The following PHF3 variants were observed in gnomAD, a reference collection of about 807,000 sequenced individuals.
The protein encoded by PHF3 is PHD finger protein 3.
PHF3 carries 41 observed loss-of-function variants against 178.4 expected under a neutral mutation model. The ratio of observed to expected loss-of-function variants is 0.23; its 90% CI spans 0.18 to 0.30. The LOEUF (loss-of-function observed/expected upper bound fraction) is 0.30. PHF3 is among the 10% of genes least tolerant of loss of function. The pLI is 1.00. For missense variants in PHF3, 2,346 were observed against 2,398.1 expected (o/e 0.98, Z 0.45); for synonymous variants, 842 against 800.5 (o/e 1.05, Z -0.88).
At chr6:63,710,554 GTC>G (rs1190336207) in intron 14 of PHF3, among the ~76,000 whole-genome samples, 1 of 152,104 alleles carries the variant, frequency 6.6e-6, no homozygotes, top group Non-Finnish European at 1.5e-5. Flanking sequence ...AATTAGGACT[GTC>G]TTTTCTATCT....
chr6:63,682,929 A>G (rs1766502356), intron 3 of PHF3, among the ~76,000 whole-genome samples: 1 of 152,100 alleles, frequency 6.6e-6, no homozygotes, highest in African/African-American at 2.4e-5. Flanking sequence ...AGAGCTGTAA[A>G]TTACTATAAT....
chr6:63,658,249 T>C (rs1765319732), intron 2 of PHF3, among the ~76,000 whole-genome samples: 3 of 152,246 alleles, frequency 2.0e-5, no homozygotes, highest in Non-Finnish European at 2.9e-5. Context: ...CTTTGGACTC[T>C]AGGCTATGAC....
chr6:63,648,641 C>T (rs1296403643), intron 2 of PHF3, among the ~76,000 whole-genome samples: 3 of 152,042 alleles, frequency 2.0e-5, no homozygotes, highest in African/African-American at 7.2e-5. Flanking sequence ...ACTTAGAGCA[C>T]CTTTATGAAG....
intron 3 of PHF3, among the ~76,000 whole-genome samples, chr6:63,681,996 A>G (rs1028649933): frequency 6.6e-6 from 1 of 152,120 alleles, no homozygotes; most frequent in African/African-American, 2.4e-5. Context: ...CATATTATGG[A>G]AGCCTGTAAG....
Position 63,723,727 on chromosome 6 carries a change from CTT to C in PHF3, c.*10022_*10023del, listed in dbSNP as rs1326486010. On this transcript the variant is annotated 3_prime_UTR_variant, in exon 16 of 16. Transcript: ENST00000262043. ...CTGTATTAGCTTAAAAAATCATAGA[CTT>C]TTAAATTTCATTGCGTTAGGATATG... is the stretch of plus-strand genomic sequence containing the variant. 1.3e-5 allele frequency among the ~76,000 whole-genome samples: 2 copies of C among 151,694 alleles called. No individual in the cohort carries two copies. The highest frequency in any genetic ancestry group is 2.1e-4 in the South Asian group (1 of 4,806).
intron 3 of PHF3, among the ~76,000 whole-genome samples, chr6:63,681,160 A>T (rs767121168): frequency 1.3e-5 from 2 of 151,872 alleles, no homozygotes; most frequent in Non-Finnish European, 2.9e-5. Flanking sequence ...TTCTAACTTC[A>T]GGGTTGTTGA....
At chr6:63,660,384 A>G (rs1025188571) in intron 2 of PHF3, among the ~76,000 whole-genome samples, 9 of 151,976 alleles carry the variant, frequency 5.9e-5, no homozygotes, top group Non-Finnish European at 1.0e-4. Context: ...CTCATTTTAC[A>G]GTTGAAGAAA....
intron 2 of PHF3, among the ~76,000 whole-genome samples, chr6:63,677,659 C>A (rs1300031058): frequency 6.6e-6 from 1 of 151,900 alleles, no homozygotes; most frequent in Non-Finnish European, 1.5e-5. Flanking sequence ...TTCTTTTTTT[C>A]TCCTGTTTAC....
chr6:63,686,087 A>G, intron 4 of PHF3, 176 bp downstream of exon 4: 1 of 570,562 alleles, frequency 1.8e-6, no homozygotes, highest in African/African-American at 1.9e-5. Flanking sequence ...TACTGAATTT[A>G]CAAATATATC....
chr6:63,708,923 C>T (rs1002531259), intron 13 of PHF3, among the ~76,000 whole-genome samples: 4 of 152,180 alleles, frequency 2.6e-5, no homozygotes, highest in Non-Finnish European at 4.4e-5. Context: ...AACTCAGACT[C>T]TTTCTTAGTA....
intron 2 of PHF3, among the ~76,000 whole-genome samples, chr6:63,676,080 G>C (rs1353756103): frequency 6.6e-6 from 1 of 152,142 alleles, no homozygotes; most frequent in African/African-American, 2.4e-5. Context: ...AAAAAGTGAA[G>C]TCAGTATGTT....
At chr6:63,646,887 T>A in intron 2 of PHF3, 92 bp downstream of exon 2, 1 of 907,446 alleles carries the variant, frequency 1.1e-6, no homozygotes, top group Non-Finnish European at 1.5e-6. Flanking sequence ...TTTTTTTCTT[T>A]TTTTTTTTTT....
In PHF3 at chr6:63,706,251, A is replaced by C. The variant is rs774325407; in HGVS notation, c.3563+27A>C. On this transcript the variant is annotated intron_variant, in intron 12 of 15. Coordinates refer to ENST00000262043, the MANE Select transcript of PHF3 (RefSeq NM_001370348.2). ...TAATTTTCTCTGTTGTAAATTCTGT[A>C]ATACTCATTATAGATCTTTGCCAGA... is the stretch of plus-strand genomic sequence containing the variant. The C allele has an allele frequency of 2.6e-6, 4 of 1,545,762 alleles. No homozygotes were observed. In the South Asian group the frequency reaches 4.6e-5, roughly 18 times the overall value.
In PHF3 at chr6:63,724,990, A is replaced by G. The variant is rs1768555467; in HGVS notation, c.*11282A>G. Among the ~76,000 whole-genome samples, 1 of 152,140 alleles carries G rather than the reference A, an allele frequency of 6.6e-6. No individual in the cohort carries two copies. Among genetic ancestry groups the G allele is most frequent in the African/African-American group, 2.4e-5 (1 of 41,458 alleles). On this transcript the variant is annotated 3_prime_UTR_variant, in exon 16 of 16. Transcript: ENST00000262043. The stretch of plus-strand genomic sequence containing the variant: ...TCAGCTGCATTTTCTGCAACCTTAA[A>G]TAAATGAGAGACTTCAAATAAACTT...
intron 8 of PHF3, among the ~76,000 whole-genome samples, chr6:63,699,816 C>T (rs1767395138): frequency 6.6e-6 from 1 of 152,126 alleles, no homozygotes; most frequent in Admixed American, 6.5e-5. Flanking sequence ...GTCCCAAACT[C>T]CTGACCTTGT....
In PHF3 at chr6:63,685,441, T is replaced by C. The variant is rs1261311720; in HGVS notation, c.1719T>C (p.His573=). 1 of 1,614,104 alleles carries C rather than the reference T, an allele frequency of 6.2e-7. No homozygotes were observed. The highest frequency in any genetic ancestry group is 2.2e-5 in the East Asian group (1 of 44,878). Reference sequence around the variant, plus strand: ...TTAAATCTGTGAAAAACCAAGCTCATTCTGTACTGAAAAAAACATTACAGG... The same window carrying C: ...TTAAATCTGTGAAAAACCAAGCTCACTCTGTACTGAAAAAAACATTACAGG... ...SGVKSVKNQA[H]SVLKKTLQDQ... The change falls in exon 4 of 16, where the codon CAT becomes CAC. Residue 573 remains histidine, a synonymous_variant. Coordinates refer to ENST00000262043, the MANE Select transcript of PHF3 (RefSeq NM_001370348.2).
At chr6:63,709,130 T>TC in intron 13 of PHF3, 21 bp from the exon 14 acceptor site, 1 of 546,568 alleles carries the variant, frequency 1.8e-6, no homozygotes, top group African/African-American at 2.1e-5. Context: ...ATTGATCTCT[T>TC]TTTTTTTTTT....
chr6:63,672,408 T>C (rs779860771), intron 2 of PHF3, among the ~76,000 whole-genome samples: 5 of 152,226 alleles, frequency 3.3e-5, no homozygotes, highest in Admixed American at 2.0e-4. Flanking sequence ...TCTGCCTGTT[T>C]TTATACACAT....
chr6:63,651,468 T>A (rs1765016778), intron 2 of PHF3, among the ~76,000 whole-genome samples: 1 of 152,100 alleles, frequency 6.6e-6, no homozygotes, highest in South Asian at 2.1e-4. Flanking sequence ...TTCAAGTGAT[T>A]CTCTTGCCTC....
Sources: allele counts gnomAD v4.1 joint callset (sites outside exome capture counted in the v4.1 genomes callset), GRCh38; gene constraint gnomAD v4.1.1; transcripts MANE v1.5; gene names NCBI Gene and HGNC (gene_info 2026-07-23, HGNC 2026-07-21).